DNAAF1: variants seen among roughly 807,000 people sequenced by gnomAD.
DNAAF1 encodes dynein axonemal assembly factor 1.
A neutral mutation model predicts 71.1 loss-of-function variants in DNAAF1; 65 were observed. The observed-to-expected ratio is 0.91, with a 90% CI of 0.75 to 1.12. The LOEUF (loss-of-function observed/expected upper bound fraction) is 1.12. Among genes scored for constraint, DNAAF1 ranks in the 50% most tolerant of loss-of-function variants. The pLI is 0.00. For missense variants in DNAAF1, 1,178 were observed against 899.8 expected (o/e 1.31, Z -3.96); for synonymous variants, 414 against 354.6 (o/e 1.17, Z -1.88).
intron 6 of DNAAF1, among the ~76,000 whole-genome samples, chr16:84,165,265 T>C (rs1223313542): frequency 6.6e-6 from 1 of 152,178 alleles, no homozygotes; most frequent in Non-Finnish European, 1.5e-5. Context: ...TATTAATGAG[T>C]TGTGAGGCTT....
At chr16:84,177,283 GTTTGT>G in intron 11 of DNAAF1, 2 of 258,630 alleles carry the variant, frequency 7.7e-6, no homozygotes, top group South Asian at 9.0e-5. Flanking sequence ...ATTTGTTTTT[GTTTGT>G]TTTGTTTGAG....
At chr16:84,155,931 C>G (rs2151223898) in intron 5 of DNAAF1, among the ~76,000 whole-genome samples, 182 bp downstream of exon 5, 1 of 151,928 alleles carries the variant, frequency 6.6e-6, no homozygotes, top group Non-Finnish European at 1.5e-5. Context: ...ATTATTTTAC[C>G]CACAAATAGT....
intron 3 of DNAAF1, among the ~76,000 whole-genome samples, chr16:84,152,416 G>C (rs540137396): frequency 1.4e-4 from 22 of 152,296 alleles, no homozygotes; most frequent in African/African-American, 4.8e-4. Flanking sequence ...AATGTGGGAG[G>C]CCAAGGCAGG....
At chr16:84,175,866 T>G (rs1475429660) in intron 10 of DNAAF1, 67 bp from the exon 11 acceptor site, 1 of 1,570,470 alleles carries the variant, frequency 6.4e-7, no homozygotes, top group Non-Finnish European at 8.7e-7. Flanking sequence ...AGAACTGGCA[T>G]GGTGCATTGT....
At chr16:84,173,205 T>C in intron 9 of DNAAF1, 1 of 984,184 alleles carries the variant, frequency 1.0e-6, no homozygotes, top group Non-Finnish European at 1.2e-6. Flanking sequence ...GGCTTACGCC[T>C]GTAATCCCAG....
chr16:84,167,192 A>G (rs1006603924), intron 7 of DNAAF1, among the ~76,000 whole-genome samples: 12 of 152,138 alleles, frequency 7.9e-5, no homozygotes, highest in African/African-American at 2.9e-4. Context: ...GGGTTATTAT[A>G]TTAATAAAGG....
At chr16:84,154,443 G>A (rs962026607) in intron 3 of DNAAF1, 134 bp from the exon 4 acceptor site, 2 of 788,202 alleles carry the variant, frequency 2.5e-6, no homozygotes, top group Non-Finnish European at 4.3e-6. Flanking sequence ...TCACATTAGG[G>A]GTTAGGATTT....
chr16:84,155,867 C>A, intron 5 of DNAAF1, 118 bp downstream of exon 5: 1 of 1,309,608 alleles, frequency 7.6e-7, no homozygotes, highest in Non-Finnish European at 1.1e-6. Context: ...CCCTTTTTCA[C>A]ACTTTTTTCC....
At chr16:84,160,268 C>A (rs942150711) in intron 6 of DNAAF1, among the ~76,000 whole-genome samples, 2 of 152,130 alleles carry the variant, frequency 1.3e-5, no homozygotes, top group African/African-American at 4.8e-5. Flanking sequence ...TGGGCATTTT[C>A]TTCATTGTTA....
intron 7 of DNAAF1, among the ~76,000 whole-genome samples, chr16:84,168,984 A>T (rs943523987): frequency 2.0e-5 from 3 of 150,830 alleles, no homozygotes; most frequent in African/African-American, 7.3e-5. Flanking sequence ...GACCTGTTCC[A>T]TTAAAGGGCT....
chr16:84,172,859 G>C, intron 9 of DNAAF1: 19 of 1,029,586 alleles, frequency 1.8e-5, no homozygotes, highest in Non-Finnish European at 2.2e-5. Context: ...GAGGTGTGAC[G>C]GTTCAGTGTC....
In DNAAF1 at chr16:84,148,993, C is replaced by G. The variant is rs757030770; in HGVS notation, c.125-14C>G. ...ATCTTGATCTCTACAGACCTGATCT[C>G]TTTTATTTTACAGAAATTAATGATC... is the stretch of plus-strand genomic sequence containing the variant. On this transcript the variant is annotated splice_polypyrimidine_tract_variant and intron_variant, in intron 1 of 11. Transcript: ENST00000378553. 6.2e-7 allele frequency: 1 copy of G among 1,613,864 alleles called. No individual in the cohort carries two copies. Among genetic ancestry groups the G allele is most frequent in the South Asian group, 1.1e-5 (1 of 91,072 alleles).
Position 84,175,962 on chromosome 16 carries a change from C to G in DNAAF1, c.1728C>G (p.Ile576Met). The G allele has an allele frequency of 6.2e-7, 1 of 1,614,202 alleles. No homozygotes were observed. Among genetic ancestry groups the G allele is most frequent in the Non-Finnish European group, 8.5e-7 (1 of 1,180,040 alleles). The change falls in exon 11 of 12, where the codon ATC (isoleucine) becomes ATG (methionine). Residue 576 changes from isoleucine (I) to methionine (M), a missense_variant. Physicochemically the swap from Ile to Met is conservative, Grantham distance 10 (BLOSUM62 1). Coordinates refer to ENST00000378553, the MANE Select transcript of DNAAF1 (RefSeq NM_178452.6). Reference protein sequence around the residue: ...QNMCFPKIEVISSLSDDSDPE... With the variant: ...QNMCFPKIEVMSSLSDDSDPE... ...TGTGCTTTCCGAAGATTGAGGTCAT[C>G]TCGAGCTTGAGTGATGACAGTGACC...
In DNAAF1 at chr16:84,155,623, T is replaced by C; in HGVS notation, c.615T>C (p.Asn205=). ...PVLNTLQMAH[N]HLETVEDIQH... The stretch of plus-strand genomic sequence containing the variant: ...TGAACACATTGCAGATGGCCCACAA[T>C]CACCTGGAGACCGTGGAGGACATTC... The change falls in exon 5 of 12, where the codon AAT becomes AAC. Residue 205 remains asparagine (N), a synonymous_variant. Transcript: ENST00000378553. 1 of 1,614,152 alleles carries C rather than the reference T, an allele frequency of 6.2e-7. No individual in the cohort carries two copies. The highest frequency in any genetic ancestry group is 8.5e-7 in the Non-Finnish European group (1 of 1,180,040).
intron 3 of DNAAF1, among the ~76,000 whole-genome samples, chr16:84,153,496 C>G (rs1055328826): frequency 6.6e-6 from 1 of 152,104 alleles, no homozygotes; most frequent in African/African-American, 2.4e-5. Flanking sequence ...TATTCTATAA[C>G]TATGTTAAAT....
intron 5 of DNAAF1, chr16:84,159,295 T>G: frequency 4.1e-5 from 43 of 1,040,662 alleles, no homozygotes; most frequent in East Asian, 7.4e-5. Flanking sequence ...AAATGGATCC[T>G]GGCTGGGAAG....
intron 9 of DNAAF1, 146 bp from the exon 10 acceptor site, chr16:84,174,523 T>TG (rs1233530981): frequency 4.5e-5 from 69 of 1,548,194 alleles, no homozygotes; most frequent in Middle Eastern, 4.0e-4. Context: ...TTCCTTTTGG[T>TG]GGGGAACAGG....
In DNAAF1 at chr16:84,162,750, C is replaced by T. The variant is rs547335846; in HGVS notation, c.863+2954C>T. On this transcript the variant is annotated intron_variant, in intron 6 of 11. Coordinates refer to ENST00000378553, the MANE Select transcript of DNAAF1 (RefSeq NM_178452.6). ...AAGAGAATCGCTTGAACCCGGGAGG[C>T]GGAGGTTGTAGTGAGCCAAGATCAC... 6.4e-4 allele frequency among the ~76,000 whole-genome samples: 97 copies of T among 151,978 alleles called. 2 individuals are homozygous for T. Among genetic ancestry groups the T allele is most frequent in the African/African-American group, 2.1e-3 (89 of 41,440 alleles).
Position 84,145,538 on chromosome 16 carries a change from G to C in DNAAF1, c.98G>C (p.Ser33Thr). The change falls in exon 1 of 12, where the codon AGC becomes ACC. Residue 33 changes from serine to threonine, a missense_variant. Ser to Thr is a moderately conservative substitution (Grantham distance 58, BLOSUM62 1). Transcript: ENST00000378553. ...GAGGAGTCTGCGGGTGACCACGGGA[G>C]CGCAGGCCGAGGGGGCTGCAAGGAA... Reference protein sequence around the residue: ...GVEESAGDHGSAGRGGCKEEI... With the variant: ...GVEESAGDHGTAGRGGCKEEI... 6.4e-7 allele frequency: 1 copy of C among 1,551,750 alleles called. No individual in the cohort carries two copies. The highest frequency in any genetic ancestry group is 8.7e-7 in the Non-Finnish European group (1 of 1,147,956).
Sources: allele counts gnomAD v4.1 joint callset (sites outside exome capture counted in the v4.1 genomes callset), GRCh38; gene constraint gnomAD v4.1.1; transcripts MANE v1.5; gene names NCBI Gene and HGNC (gene_info 2026-07-23, HGNC 2026-07-21).